The following SDK2 variants were observed in gnomAD, a reference collection of about 807,000 sequenced individuals.
The protein encoded by SDK2 is sidekick cell adhesion molecule 2, also known as protein sidekick-2.
A neutral mutation model predicts 253.9 loss-of-function variants in SDK2; 105 were observed. The ratio of observed to expected loss-of-function variants is 0.41; its 90% CI spans 0.35 to 0.49. The LOEUF (loss-of-function observed/expected upper bound fraction) is 0.49, where lower values mean the gene tolerates loss of function less well. SDK2 is among the 20% of genes least tolerant of loss of function. The pLI, the probability that SDK2 is intolerant of heterozygous loss-of-function variation, is 0.06. For missense variants in SDK2, 2,608 were observed against 3,003.0 expected, an observed-to-expected ratio of 0.87 and a Z score of 3.07; for synonymous variants, 1,249 against 1,234.9, an observed-to-expected ratio of 1.01 and a Z score of -0.24.
chr17:73,560,872 A>G (rs2045222679), intron 1 of SDK2, among the ~76,000 whole-genome samples: 3 of 152,160 alleles, frequency 2.0e-5, no homozygotes, highest in Admixed American at 2.0e-4. Context: ...CTCCTCGACC[A>G]GTGGGTGGCG....
intron 1 of SDK2, among the ~76,000 whole-genome samples, chr17:73,586,547 G>C (rs181072581): frequency 2.6e-5 from 4 of 151,928 alleles, no homozygotes; most frequent in Admixed American, 2.0e-4. Flanking sequence ...GCTCAAGTTG[G>C]TATCTCTGTG....
intron 2 of SDK2, among the ~76,000 whole-genome samples, chr17:73,505,478 GTCA>G (rs147048423): frequency 0.24 from 35,733 of 151,300 alleles, 4,445 homozygotes; most frequent in East Asian, 0.31. Context: ...CATTGTTATT[GTCA>G]TCATCATCAT....
chr17:73,369,643 G>A (rs2062718074), intron 36 of SDK2, among the ~76,000 whole-genome samples: 1 of 152,184 alleles, frequency 6.6e-6, no homozygotes, highest in Non-Finnish European at 1.5e-5. Flanking sequence ...CACAACAGAT[G>A]CTCCCTGGTG....
chr17:73,408,065 C>G (rs8068247), intron 18 of SDK2, among the ~76,000 whole-genome samples: 1 of 128,898 alleles, frequency 7.8e-6, no homozygotes, highest in South Asian at 2.7e-4. Context: ...TTTTTTTTTT[C>G]TTTTGAGACA....
intron 2 of SDK2, among the ~76,000 whole-genome samples, chr17:73,479,858 T>G (rs774515364): frequency 4.6e-5 from 7 of 152,172 alleles, no homozygotes; most frequent in Non-Finnish European, 1.0e-4. Flanking sequence ...GCCCGGCTAA[T>G]TTTTAATATT....
chr17:73,462,142 TG>T (rs2063567203), intron 3 of SDK2, among the ~76,000 whole-genome samples: 1 of 151,834 alleles, frequency 6.6e-6, no homozygotes, highest in Non-Finnish European at 1.5e-5. Flanking sequence ...TTTGGTGGGA[TG>T]TATAGTTGTA....
Position 73,615,167 on chromosome 17 carries a change from T to C in SDK2, c.64+28858A>G, listed in dbSNP as rs1467771666. Among the ~76,000 whole-genome samples, 4 of 152,338 alleles carry C rather than the reference T, an allele frequency of 2.6e-5. No homozygotes were observed. In the East Asian group the frequency reaches 5.8e-4, roughly 22 times the overall value. On this transcript the variant is annotated intron_variant, in intron 1 of 44. Transcript: ENST00000392650. ...CACACAATGAGTACATACTTGATGT[T>C]ACAACTGTTGACTTCAGAGTCTTAG...
intron 2 of SDK2, among the ~76,000 whole-genome samples, chr17:73,483,068 C>A (rs900944032): frequency 6.6e-6 from 1 of 152,056 alleles, no homozygotes; most frequent in Non-Finnish European, 1.5e-5. Flanking sequence ...TGACCCCATC[C>A]GTGCTCCTGC....
rs767039623 is a variant in SDK2, at chr17:73,431,719, C to G, written c.1313-50G>C. On this transcript the variant is annotated intron_variant, in intron 10 of 44. Transcript: ENST00000392650. The surrounding 1 kb of genome is among the most constrained non-coding windows in gnomAD (Gnocchi z 5.6). Reference sequence around the variant, plus strand: ...CAGCCTGTAGCCCCCAAGGGCACACCCTGCCCTTCCCTGGCCGCTCCAGGG... The same window carrying G: ...CAGCCTGTAGCCCCCAAGGGCACACGCTGCCCTTCCCTGGCCGCTCCAGGG... 3 of 1,513,434 alleles carry G rather than the reference C, an allele frequency of 2.0e-6. No individual in the cohort carries two copies. The highest frequency in any genetic ancestry group is 1.3e-5 in the South Asian group (1 of 79,664). The allele number at this position is 1,513,434 out of a possible 1,614,324, so 93.8% of individuals were successfully genotyped here. A position where few individuals can be genotyped will look rare whatever the true frequency, so the allele number is the denominator to read the frequency against.
At chr17:73,381,701 T>G (rs2062832151) in intron 33 of SDK2, among the ~76,000 whole-genome samples, 1 of 151,444 alleles carries the variant, frequency 6.6e-6, no homozygotes, top group South Asian at 2.1e-4. Context: ...GGTCAGGAGT[T>G]CGAGACGAGC....
intron 1 of SDK2, among the ~76,000 whole-genome samples, chr17:73,626,023 C>T (rs780053905): frequency 1.2e-4 from 18 of 152,162 alleles, no homozygotes; most frequent in Non-Finnish European, 2.4e-4. Context: ...CAGGGCTATA[C>T]CCCCTTTCCG....
At chr17:73,363,556 G>A (rs1393148448) in intron 38 of SDK2, among the ~76,000 whole-genome samples, 1 of 152,164 alleles carries the variant, frequency 6.6e-6, no homozygotes, top group African/African-American at 2.4e-5. Flanking sequence ...CTTTTGTGAG[G>A]CTGGTTTGCT....
chr17:73,367,626 C>CCAAGT (rs1383429178), intron 37 of SDK2, among the ~76,000 whole-genome samples: 1 of 152,158 alleles, frequency 6.6e-6, no homozygotes, highest in African/African-American at 2.4e-5. Context: ...CCTCAGCCTC[C>CCAAGT]CAAGTAGCTG....
At chr17:73,463,206 G>A (rs769852843) in intron 3 of SDK2, among the ~76,000 whole-genome samples, 1 of 152,146 alleles carries the variant, frequency 6.6e-6, no homozygotes, top group African/African-American at 2.4e-5. Context: ...TGCCCTGCAG[G>A]GCTGATCCAA....
At chr17:73,382,088 C>T (rs889798736) in intron 33 of SDK2, among the ~76,000 whole-genome samples, 5 of 151,648 alleles carry the variant, frequency 3.3e-5, no homozygotes, top group African/African-American at 4.8e-5. Context: ...TGGTAGTGTG[C>T]GCCGTTAATC....
chr17:73,454,018 A>G (rs939855964), intron 4 of SDK2, among the ~76,000 whole-genome samples: 2 of 152,192 alleles, frequency 1.3e-5, no homozygotes, highest in Non-Finnish European at 2.9e-5. Flanking sequence ...AGATATGTTT[A>G]TTTATACAAA....
At chr17:73,597,470 G>A (rs2143027645) in intron 1 of SDK2, among the ~76,000 whole-genome samples, 1 of 152,246 alleles carries the variant, frequency 6.6e-6, no homozygotes, top group Non-Finnish European at 1.5e-5. Flanking sequence ...GTATCTGTCT[G>A]GAATAGTTCC....
intron 18 of SDK2, among the ~76,000 whole-genome samples, chr17:73,405,515 TATAA>T (rs1699049706): frequency 2.1e-5 from 1 of 46,912 alleles, no homozygotes; most frequent in Non-Finnish European, 4.0e-5. Flanking sequence ...TATATATATA[TATAA>T]AGATCGAGAA....
rs767224773 is a variant in SDK2, at chr17:73,390,282, G to C, written c.4192+5C>G. On this transcript the variant is annotated splice_donor_5th_base_variant and intron_variant, in intron 29 of 44. Coordinates refer to ENST00000392650, the MANE Select transcript of SDK2 (RefSeq NM_001144952.2). ...AAGCCTTCCCTGGCCCCCGTGGGCA[G>C]TCACCTCTCTTCTCGGTGGTCACCA... 4 of 1,567,284 alleles carry C rather than the reference G, an allele frequency of 2.6e-6. No individual in the cohort carries two copies. The African/African-American group carries it at 5.4e-5, about 21-fold the overall frequency.
Sources: allele counts gnomAD v4.1 joint callset (sites outside exome capture counted in the v4.1 genomes callset), GRCh38; gene constraint gnomAD v4.1.1; non-coding constraint Gnocchi (gnomAD v3.1); transcripts MANE v1.5; gene names NCBI Gene and HGNC (gene_info 2026-07-23, HGNC 2026-07-21).